The following COLEC12 variants were observed in gnomAD, a reference collection of about 807,000 sequenced individuals.
COLEC12 encodes the protein collectin-12.
COLEC12 carries 33 observed loss-of-function variants against 71.1 expected under a neutral mutation model. The observed-to-expected ratio is 0.46, with a 90% confidence interval of 0.35 to 0.62. The LOEUF is 0.62. COLEC12 is among the 20% of genes least tolerant of loss of function. The pLI is 0.00. For missense variants in COLEC12, 765 were observed against 916.1 expected, an observed-to-expected ratio of 0.84 and a Z score of 2.13; for synonymous variants, 350 against 353.0, an observed-to-expected ratio of 0.99 and a Z score of 0.10.
At chr18:494,584 G>T (rs551168471) in intron 1 of COLEC12, among the ~76,000 whole-genome samples, 1 of 152,198 alleles carries the variant, frequency 6.6e-6, no homozygotes, top group Non-Finnish European at 1.5e-5. Flanking sequence ...ACACAGAAAT[G>T]ATTGGATTCA....
At position 442,541 on chromosome 18, in the gene COLEC12, A is replaced by G. The variant is rs1014977057; in HGVS notation, c.58+38166T>C. ...GCTCTCTACACATACTGCTGCTTCTATGTGAGTTCAAGTTTCCCTTGCCTA... is the reference window on the plus strand; with the variant it reads ...GCTCTCTACACATACTGCTGCTTCTGTGTGAGTTCAAGTTTCCCTTGCCTA... On this transcript the variant is annotated intron_variant, in intron 2 of 9. Transcript: ENST00000400256. 1.2e-4 allele frequency among the ~76,000 whole-genome samples: 18 copies of G among 152,344 alleles called. 2 individuals carry two copies. In the South Asian group the frequency reaches 2.5e-3, roughly 21 times the overall value.
intron 2 of COLEC12, among the ~76,000 whole-genome samples, chr18:358,742 C>T (rs1014991182): frequency 6.6e-6 from 1 of 152,190 alleles, no homozygotes; most frequent in African/African-American, 2.4e-5. Context: ...GACTACTACA[C>T]ACCTAGGCTA....
chr18:472,678 C>CAA lies in COLEC12; in HGVS notation c.58+8027_58+8028dup, dbSNP rs765169609. Among the ~76,000 whole-genome samples the CAA allele has an allele frequency of 7.8e-3, 733 of 93,586 alleles. 27 individuals carry two copies. The highest frequency in any genetic ancestry group is 0.017 in the African/African-American group (434 of 24,896). The allele number at this position is 93,586 out of a possible 152,430, so 61.4% of individuals were successfully genotyped here. On this transcript the variant is annotated intron_variant, in intron 2 of 9. Transcript: ENST00000400256. The stretch of plus-strand genomic sequence containing the variant: ...TGGGTGACAGAGTGAGGCCCTGTGA[C>CAA]AAAAAAAAAAAAAAAAAAAAAAAAA...
intron 2 of COLEC12, among the ~76,000 whole-genome samples, chr18:440,904 T>C (rs994273815): frequency 1.3e-5 from 2 of 152,108 alleles, no homozygotes; most frequent in Non-Finnish European, 2.9e-5. Flanking sequence ...TGGGGAAATG[T>C]CATGTTAGAC....
At chr18:398,036 C>T (rs1002141855) in intron 2 of COLEC12, among the ~76,000 whole-genome samples, 3 of 147,962 alleles carry the variant, frequency 2.0e-5, no homozygotes, top group African/African-American at 7.6e-5. Flanking sequence ...TGGCCCAGGT[C>T]TATGACCTAA....
chr18:458,619 A>T (rs1916917041), intron 2 of COLEC12, among the ~76,000 whole-genome samples: 1 of 152,270 alleles, frequency 6.6e-6, no homozygotes, highest in Admixed American at 6.5e-5. Flanking sequence ...CTGATGGGGT[A>T]GCTTCTCCCA....
chr18:331,014 G>C (rs1450858039), intron 8 of COLEC12, among the ~76,000 whole-genome samples: 1 of 151,886 alleles, frequency 6.6e-6, no homozygotes. Flanking sequence ...CGAGTAGCTG[G>C]CATCACCCGC....
At chr18:415,153 G>A (rs1041911286) in intron 2 of COLEC12, among the ~76,000 whole-genome samples, 2 of 152,244 alleles carry the variant, frequency 1.3e-5, no homozygotes, top group African/African-American at 4.8e-5. Flanking sequence ...AAGCTTTGCA[G>A]TTTACTAACA....
intron 2 of COLEC12, among the ~76,000 whole-genome samples, chr18:462,837 G>C (rs1326568248): frequency 1.3e-5 from 2 of 152,174 alleles, no homozygotes; most frequent in Non-Finnish European, 2.9e-5. Context: ...ATTCTACCAA[G>C]ACAGACAATT....
intron 5 of COLEC12, among the ~76,000 whole-genome samples, chr18:343,297 C>G (rs1261052590): frequency 6.6e-6 from 1 of 152,154 alleles, no homozygotes; most frequent in East Asian, 1.9e-4. Context: ...GCCGAGGACT[C>G]CTCACCTCAG....
At chr18:458,442 G>A (rs185241286) in intron 2 of COLEC12, among the ~76,000 whole-genome samples, 6 of 152,352 alleles carry the variant, frequency 3.9e-5, no homozygotes, top group Non-Finnish European at 8.8e-5. Flanking sequence ...ACGTGGGTGG[G>A]CTGAGGAGGG....
In COLEC12 at chr18:333,158, G is replaced by T. The variant is rs548335086; in HGVS notation, c.1817-15C>A. On this transcript the variant is annotated splice_polypyrimidine_tract_variant and intron_variant, in intron 6 of 9. Coordinates refer to ENST00000400256, the MANE Select transcript of COLEC12 (RefSeq NM_130386.3). ...AGGCGGGCAGCCTAGGAATGCAAAA[G>T]TGGAAAACATTGATTAAAAGATCAC... The T allele has an allele frequency of 6.3e-7, 1 of 1,581,434 alleles. No individual in the cohort carries two copies. The highest frequency in any genetic ancestry group is 2.2e-5 in the East Asian group (1 of 44,632).
chr18:330,638 T>C (rs185843425), intron 8 of COLEC12, among the ~76,000 whole-genome samples: 1 of 152,046 alleles, frequency 6.6e-6, no homozygotes, highest in East Asian at 1.9e-4. Context: ...GATCTTTGGG[T>C]AGAATTAGGG....
chr18:453,494 G>T (rs1916803370), intron 2 of COLEC12, among the ~76,000 whole-genome samples: 1 of 152,154 alleles, frequency 6.6e-6, no homozygotes, highest in African/African-American at 2.4e-5. Flanking sequence ...GAGCTGTGTG[G>T]TTGGGAGTGA....
At chr18:429,620 G>A (rs936605429) in intron 2 of COLEC12, among the ~76,000 whole-genome samples, 1 of 151,988 alleles carries the variant, frequency 6.6e-6, no homozygotes, top group Non-Finnish European at 1.5e-5. Flanking sequence ...GACCTCAAGC[G>A]AACCGCCCCC....
intron 2 of COLEC12, among the ~76,000 whole-genome samples, chr18:405,836 C>A (rs549044949): frequency 2.0e-5 from 3 of 152,014 alleles, no homozygotes; most frequent in African/African-American, 7.3e-5. Flanking sequence ...CATCTGCTTG[C>A]CCACTGTGTC....
In COLEC12 at chr18:348,050, C is replaced by G. The variant is rs746465293; in HGVS notation, c.280+15G>C. On this transcript the variant is annotated intron_variant, in intron 4 of 9. Coordinates refer to ENST00000400256, the MANE Select transcript of COLEC12 (RefSeq NM_130386.3). The stretch of plus-strand genomic sequence containing the variant: ...GAGTCAGGGGATTTCATGGTTTAGT[C>G]TTGTCACAGATTACCTAATTTTTTC... The G allele has an allele frequency of 6.4e-7, 1 of 1,566,496 alleles. No individual in the cohort carries two copies. Among genetic ancestry groups the G allele is most frequent in the East Asian group, 2.2e-5 (1 of 44,616 alleles).
chr18:397,254 T>C (rs1008952093), intron 2 of COLEC12, among the ~76,000 whole-genome samples: 1 of 152,178 alleles, frequency 6.6e-6, no homozygotes, highest in Non-Finnish European at 1.5e-5. Context: ...CTTTTGAACA[T>C]CAACCTTAGT....
intron 2 of COLEC12, among the ~76,000 whole-genome samples, chr18:380,789 C>T (rs569966016): frequency 2.6e-5 from 4 of 152,154 alleles, no homozygotes; most frequent in Admixed American, 6.5e-5. Context: ...TTCTTAGAGA[C>T]CTCATCTGCA....
Sources: allele counts gnomAD v4.1 joint callset (sites outside exome capture counted in the v4.1 genomes callset), GRCh38; gene constraint gnomAD v4.1.1; transcripts MANE v1.5; gene names NCBI Gene and HGNC (gene_info 2026-07-23, HGNC 2026-07-21).